The following CATSPERT variants were observed in gnomAD, a reference collection of about 807,000 sequenced individuals.
CATSPERT encodes cation channel sperm-associated targeting subunit tau.
At chr2:201,600,065 A>G in the CATSPERT span, among the ~76,000 whole-genome samples, 1 of 152,216 alleles carries the variant, frequency 6.6e-6, no homozygotes, top group Non-Finnish European at 1.5e-5. Context: ...ATACCATTTA[A>G]CCCAGCGATC....
the CATSPERT span, chr2:201,554,428 A>G: frequency 6.6e-6 from 1 of 152,178 alleles, no homozygotes; most frequent in Non-Finnish European, 1.5e-5. Context: ...TGCCAGTGAC[A>G]CGATATTCTA....
At chr2:201,601,705 C>G in the CATSPERT span, 1 of 1,565,398 alleles carries the variant, frequency 6.4e-7, no homozygotes, top group African/African-American at 1.4e-5. Context: ...CTATAAGGAG[C>G]CATTCTAATA....
the CATSPERT span, among the ~76,000 whole-genome samples, chr2:201,581,585 T>C: frequency 0.21 from 14,552 of 70,126 alleles, 3,734 homozygotes; most frequent in East Asian, 0.6. Context: ...TATATATATA[T>C]ATATATATAC....
chr2:201,601,821 G>A, the CATSPERT span: 2 of 1,610,714 alleles, frequency 1.2e-6, no homozygotes, highest in East Asian at 4.5e-5. Context: ...ACACATTTTT[G>A]TACATTTCAC....
At chr2:201,605,085 A>AC in the CATSPERT span, among the ~76,000 whole-genome samples, 12 of 149,536 alleles carry the variant, frequency 8.0e-5, no homozygotes, top group South Asian at 2.1e-4. Flanking sequence ...CACATACACA[A>AC]ACATATATAT....
the CATSPERT span, among the ~76,000 whole-genome samples, chr2:201,542,161 G>A: frequency 1.0e-5 from 1 of 97,614 alleles, no homozygotes; most frequent in Non-Finnish European, 2.4e-5. Context: ...ATGTTTATAT[G>A]CCCTAGGAAA....
the CATSPERT span, among the ~76,000 whole-genome samples, chr2:201,594,782 G>T: frequency 6.6e-6 from 1 of 151,992 alleles, no homozygotes; most frequent in Non-Finnish European, 1.5e-5. Context: ...GGCTCCTGAG[G>T]CTTCTGCATT....
chr2:201,605,215 A>C, the CATSPERT span, among the ~76,000 whole-genome samples: 1 of 152,148 alleles, frequency 6.6e-6, no homozygotes, highest in African/African-American at 2.4e-5. Flanking sequence ...AGGAGTAGGG[A>C]ACACAAAAGG....
At chr2:201,565,819 A>C in the CATSPERT span, 6 of 1,611,366 alleles carry the variant, frequency 3.7e-6, no homozygotes, top group Non-Finnish European at 5.1e-6. Context: ...AGTAACATTC[A>C]GGTCTGGGGA....
chr2:201,601,093 CT>C, the CATSPERT span, among the ~76,000 whole-genome samples: 1 of 152,052 alleles, frequency 6.6e-6, no homozygotes, highest in African/African-American at 2.4e-5. Context: ...TCTAATAAGC[CT>C]AACTGTAAAC....
chr2:201,565,529 A>G, the CATSPERT span, among the ~76,000 whole-genome samples: 1 of 152,152 alleles, frequency 6.6e-6, no homozygotes, highest in South Asian at 2.1e-4. Flanking sequence ...TTGGCATAAC[A>G]CTTTTTCAAA....
At chr2:201,551,979 CTTTG>C in the CATSPERT span, among the ~76,000 whole-genome samples, 1 of 147,406 alleles carries the variant, frequency 6.8e-6, no homozygotes, top group African/African-American at 2.5e-5. Context: ...TTTCTCTTTT[CTTTG>C]TTTCTTTCTT....
chr2:201,544,851 G>C, the CATSPERT span, among the ~76,000 whole-genome samples: 10 of 147,970 alleles, frequency 6.8e-5, no homozygotes, highest in African/African-American at 2.5e-4. Context: ...ACAAAAATTA[G>C]CCAGGCATGG....
chr2:201,558,953 C>A, the CATSPERT span, among the ~76,000 whole-genome samples: 1 of 152,150 alleles, frequency 6.6e-6, no homozygotes, highest in East Asian at 1.9e-4. Context: ...GGGAAACCAA[C>A]CCCAGCCACC....
At chr2:201,515,831 T>A in the CATSPERT span, among the ~76,000 whole-genome samples, 1 of 152,232 alleles carries the variant, frequency 6.6e-6, no homozygotes, top group Non-Finnish European at 1.5e-5. Context: ...CAAGGACTCC[T>A]CTACATGTGG....
the CATSPERT span, among the ~76,000 whole-genome samples, chr2:201,617,915 T>G: frequency 6.6e-6 from 1 of 152,046 alleles, no homozygotes; most frequent in Non-Finnish European, 1.5e-5. Flanking sequence ...AACAGACACT[T>G]CTCAAAAGAA....
At chr2:201,550,835 A>G in the CATSPERT span, 1 of 152,198 alleles carries the variant, frequency 6.6e-6, no homozygotes, top group African/African-American at 2.4e-5. Context: ...TTATCCCACT[A>G]TGAGCAGGAA....
the CATSPERT span, chr2:201,619,143 T>C: frequency 5.0e-6 from 8 of 1,613,526 alleles, no homozygotes; most frequent in South Asian, 6.6e-5. Flanking sequence ...CTCCATCTTC[T>C]GCGGCCTGTC....
the CATSPERT span, among the ~76,000 whole-genome samples, chr2:201,548,168 TTAAG>T: frequency 6.6e-6 from 1 of 152,100 alleles, no homozygotes; most frequent in Non-Finnish European, 1.5e-5. Flanking sequence ...ATCATTTACA[TTAAG>T]TATTTCTCCT....
Sources: allele counts gnomAD v4.1 joint callset (sites outside exome capture counted in the v4.1 genomes callset), GRCh38; gene constraint gnomAD v4.1.1; transcripts MANE v1.5; gene names NCBI Gene and HGNC (gene_info 2026-07-23, HGNC 2026-07-21).